Variants in IGF2R observed in about 807,000 individuals in gnomAD.
IGF2R encodes the protein insulin like growth factor 2 receptor.
In IGF2R, 91 loss-of-function variants were observed where a neutral mutation model predicts 270.6. The ratio of observed to expected loss-of-function variants is 0.34; its 90% CI spans 0.28 to 0.40. The LOEUF (loss-of-function observed/expected upper bound fraction) is 0.40. IGF2R is among the 10% of genes least tolerant of loss of function. The probability of loss-of-function intolerance (pLI) is 1.00; values close to 1 mark genes in which losing one functional copy is unlikely to be tolerated. For synonymous variants in IGF2R, 1,316 were observed against 1,258.9 expected (o/e 1.05, Z -0.96); for missense variants, 2,805 against 3,188.3 (o/e 0.88, Z 2.90).
At position 160,070,049 on chromosome 6, in the gene IGF2R, G is replaced by A. The variant is rs779851079; in HGVS notation, c.4434G>A (p.Glu1478=). Residue 1478 remains glutamate (E), a synonymous_variant, in exon 31 of 48, where the codon GAG becomes GAA. Coordinates refer to ENST00000356956, the MANE Select transcript of IGF2R (RefSeq NM_000876.4). ...CCACCATCCGATTCACCTGCAGCGA[G>A]AGCCAAGTGGTAAGGGACTGTTCCT... ...KSTTIRFTCS[E]SQVNSRPMFI... The A allele has an allele frequency of 6.8e-6, 11 of 1,614,154 alleles. 1 individual carries two copies. The South Asian group carries it at 1.1e-4, about 16-fold the overall frequency.
At chr6:160,103,977 A>T (rs900299549) in intron 47 of IGF2R, among the ~76,000 whole-genome samples, 162 bp downstream of exon 47, 1 of 151,998 alleles carries the variant, frequency 6.6e-6, no homozygotes, top group Non-Finnish European at 1.5e-5. Flanking sequence ...ACGCCAGCAC[A>T]TTTTTTTGTT....
chr6:160,071,816 G>A, intron 31 of IGF2R, 94 bp from the exon 32 acceptor site: 10 of 1,519,328 alleles, frequency 6.6e-6, no homozygotes, highest in Non-Finnish European at 9.1e-6. Context: ...ATGCTGTGGA[G>A]TTTTTCAGAG....
At chr6:160,076,465 T>G (rs1299335107) in intron 36 of IGF2R, among the ~76,000 whole-genome samples, 1 of 152,214 alleles carries the variant, frequency 6.6e-6, no homozygotes, top group Non-Finnish European at 1.5e-5. Flanking sequence ...GACTTCCATT[T>G]TATGTGCATT....
chr6:160,029,348 C>G (rs1164428547), intron 6 of IGF2R, among the ~76,000 whole-genome samples: 1 of 151,298 alleles, frequency 6.6e-6, no homozygotes, highest in Non-Finnish European at 1.5e-5. Flanking sequence ...CAAAATAACA[C>G]TCACTGGAGT....
intron 44 of IGF2R, among the ~76,000 whole-genome samples, chr6:160,091,094 C>T (rs1203542934): frequency 1.6e-5 from 2 of 121,570 alleles, no homozygotes; most frequent in African/African-American, 3.3e-5. Flanking sequence ...GCGGGTGCTC[C>T]GTGCCCTGGT....
At chr6:160,052,824 A>C (rs936000631) in intron 19 of IGF2R, among the ~76,000 whole-genome samples, 18 of 152,182 alleles carry the variant, frequency 1.2e-4, no homozygotes, top group South Asian at 2.1e-4. Context: ...CAAAAACAAG[A>C]AATGGGGAAA....
rs1415239220 is a variant in IGF2R, at chr6:160,105,261, T to G, written c.*177T>G. 1 of 590,804 alleles carries G rather than the reference T, an allele frequency of 1.7e-6. No individual in the cohort carries two copies. The highest frequency in any genetic ancestry group is 3.0e-6 in the Non-Finnish European group (1 of 337,666). The allele number at this position is 590,804 out of a possible 1,614,324, so 36.6% of individuals were successfully genotyped here. ...AGGTCAGGCCCCACTCCTTCCTGATTGTTTACAGTCATTGGAATAAGGCAT... is the reference window on the plus strand; with the variant it reads ...AGGTCAGGCCCCACTCCTTCCTGATGGTTTACAGTCATTGGAATAAGGCAT... On this transcript the variant is annotated 3_prime_UTR_variant, in exon 48 of 48. Coordinates refer to ENST00000356956, the MANE Select transcript of IGF2R (RefSeq NM_000876.4).
At chr6:159,974,308 T>A (rs1783655931) in intron 1 of IGF2R, among the ~76,000 whole-genome samples, 1 of 152,232 alleles carries the variant, frequency 6.6e-6, no homozygotes. Context: ...ATCATGTGCT[T>A]ACTGACTGGG....
chr6:160,095,596 G>A (rs1057223387), intron 44 of IGF2R: 6 of 152,218 alleles, frequency 3.9e-5, no homozygotes, highest in African/African-American at 1.2e-4. Flanking sequence ...AGCTCCTTGT[G>A]TAGACCACTG....
intron 30 of IGF2R, among the ~76,000 whole-genome samples, chr6:160,069,043 A>G (rs568389366): frequency 6.6e-6 from 1 of 152,226 alleles, no homozygotes; most frequent in South Asian, 2.1e-4. Flanking sequence ...CAGGTAGAAG[A>G]TGGGGGGTGT....
intron 2 of IGF2R, among the ~76,000 whole-genome samples, chr6:160,001,761 A>G (rs1234185314): frequency 1.3e-5 from 2 of 152,252 alleles, no homozygotes; most frequent in Non-Finnish European, 2.9e-5. Context: ...ACAATATTAC[A>G]TATGTGAATC....
At chr6:160,028,213 A>T (rs954633674) in intron 6 of IGF2R, among the ~76,000 whole-genome samples, 1 of 152,124 alleles carries the variant, frequency 6.6e-6, no homozygotes, top group Non-Finnish European at 1.5e-5. Context: ...GGCTCGTTAG[A>T]TGGCCGTTTT....
rs1262446485 is a variant in IGF2R, at chr6:160,043,004, G to A, written c.1481-144G>A. On this transcript the variant is annotated intron_variant, in intron 11 of 47. Transcript: ENST00000356956. Reference sequence around the variant, plus strand: ...AATTTTTGTGCTTTCAGTCTGCCCGGGTTCCAGAAACAGCGCTGGGGATTG... The same window carrying A: ...AATTTTTGTGCTTTCAGTCTGCCCGAGTTCCAGAAACAGCGCTGGGGATTG... 7.6e-6 allele frequency: 6 copies of A among 788,728 alleles called. No individual in the cohort carries two copies. The East Asian group carries it at 1.4e-4, about 18-fold the overall frequency. 48.9% of individuals were successfully genotyped at this position (788,728 alleles called of 1,614,324 possible). A position where few individuals can be genotyped will look rare whatever the true frequency, so the allele number is the denominator to read the frequency against.
At chr6:160,065,085 G>A (rs1000364092) in intron 29 of IGF2R, among the ~76,000 whole-genome samples, 184 bp downstream of exon 29, 1 of 152,240 alleles carries the variant, frequency 6.6e-6, no homozygotes, top group African/African-American at 2.4e-5. Flanking sequence ...ACCTGGAGCT[G>A]CTGTGGTGAC....
chr6:160,027,118 G>T (rs1583267641), intron 5 of IGF2R, 67 bp from the exon 6 acceptor site: 1 of 1,565,070 alleles, frequency 6.4e-7, no homozygotes, highest in Non-Finnish European at 8.8e-7. Flanking sequence ...GGGACCCTGG[G>T]TCTAAGGGTA....
Position 160,102,607 on chromosome 6 carries a change from AGCCT to A in IGF2R, c.6934_6937del (p.Leu2312CysfsTer23). 6.2e-7 allele frequency: 1 copy of A among 1,613,654 alleles called. No homozygotes were observed. The highest frequency in any genetic ancestry group is 8.5e-7 in the Non-Finnish European group (1 of 1,179,766). ...GAGCCAGGCAGTCGGCGCGGTGCTC[AGCCT>A]GCTGCTGGTGGCGCTCACCTGCTGC... is the stretch of plus-strand genomic sequence containing the variant. On this transcript the variant is annotated frameshift_variant, in exon 46 of 48. Coordinates refer to ENST00000356956, the MANE Select transcript of IGF2R (RefSeq NM_000876.4). LOFTEE classifies it high-confidence loss of function. The surrounding 1 kb of genome is among the most constrained non-coding windows in gnomAD (Gnocchi z 4.5).
At chr6:160,022,921 C>A (rs1051263828) in intron 4 of IGF2R, among the ~76,000 whole-genome samples, 1 of 152,114 alleles carries the variant, frequency 6.6e-6, no homozygotes, top group African/African-American at 2.4e-5. Flanking sequence ...TTTTGAGTTT[C>A]AGGAGGGTAG....
intron 9 of IGF2R, among the ~76,000 whole-genome samples, chr6:160,034,203 C>T (rs1777762212): frequency 6.6e-6 from 1 of 152,210 alleles, no homozygotes; most frequent in African/African-American, 2.4e-5. Flanking sequence ...TTTCTTCCAG[C>T]CAGTTACTAC....
intron 45 of IGF2R, among the ~76,000 whole-genome samples, chr6:160,099,427 C>T (rs370968854): frequency 3.3e-5 from 5 of 152,080 alleles, no homozygotes; most frequent in Admixed American, 3.3e-4. Context: ...AGTGCAGTGG[C>T]GCGATCTCGG....
Sources: allele counts gnomAD v4.1 joint callset (sites outside exome capture counted in the v4.1 genomes callset), GRCh38; gene constraint gnomAD v4.1.1; non-coding constraint Gnocchi (gnomAD v3.1); transcripts MANE v1.5; gene names NCBI Gene and HGNC (gene_info 2026-07-23, HGNC 2026-07-21).